TNS1: variants seen among roughly 807,000 people sequenced by gnomAD.
The protein encoded by TNS1 is tensin-1.
Under a neutral mutation model 168.6 loss-of-function variants are expected in TNS1, and 62 were observed. The observed-to-expected ratio is 0.37, with a 90% CI of 0.30 to 0.45. TNS1 has a LOEUF of 0.45. TNS1 is among the 20% of genes least tolerant of loss of function. The pLI is 1.00. For missense variants in TNS1, 2,240 were observed against 2,339.4 expected (o/e 0.96, Z 0.88); for synonymous variants, 934 against 933.2 (o/e 1.00, Z -0.02).
chr2:217,913,960 G>C (rs1224978516), intron 4 of TNS1, among the ~76,000 whole-genome samples: 1 of 152,134 alleles, frequency 6.6e-6, no homozygotes, highest in Non-Finnish European at 1.5e-5. Context: ...CAGCAAGAGA[G>C]ACTTGCCCAA....
At chr2:217,859,773 C>T (rs1948611521) in intron 18 of TNS1, 1 of 1,228,572 alleles carries the variant, frequency 8.1e-7, no homozygotes. Flanking sequence ...CCCAACCACC[C>T]AGATCCGAGA....
chr2:217,818,494 C>G lies in TNS1; in HGVS notation c.3838G>C (p.Gly1280Arg). 6.2e-7 allele frequency: 1 copy of G among 1,614,238 alleles called. No homozygotes were observed. Among genetic ancestry groups the G allele is most frequent in the South Asian group, 1.1e-5 (1 of 91,086 alleles). Residue 1280 changes from glycine (G) to arginine (R), a missense_variant, in exon 24 of 33, where the codon GGG becomes CGG. This residue lies in a region of TNS1 where 2,131 missense variants were observed against 2,171.2 expected (regional missense o/e 0.98). Transcript: ENST00000682258. Reference sequence around the variant, plus strand: ...GTTCTGTGGCGCGCCTGAGGGCTCCCAGGCACCGTGTGGACGCCAGCCACA... The same window carrying G: ...GTTCTGTGGCGCGCCTGAGGGCTCCGAGGCACCGTGTGGACGCCAGCCACA... ...FSVAGVHTVP[G>R]SPQARHRTVG...
chr2:218,007,938 A>G (rs1275353799), upstream of TNS1, among the ~76,000 whole-genome samples: 1 of 152,122 alleles, frequency 6.6e-6, no homozygotes, highest in African/African-American at 2.4e-5. Flanking sequence ...AAGGCACGAC[A>G]TGGTCTGGGG....
chr2:217,824,426 T>G (rs1161875055), intron 22 of TNS1, among the ~76,000 whole-genome samples: 1 of 152,002 alleles, frequency 6.6e-6, no homozygotes, highest in Non-Finnish European at 1.5e-5. Flanking sequence ...AAAAGCCAAC[T>G]CCATAGGGCT....
At chr2:217,983,319 G>A (rs1281388954) in intron 2 of TNS1, among the ~76,000 whole-genome samples, 4 of 152,098 alleles carry the variant, frequency 2.6e-5, no homozygotes, top group Non-Finnish European at 5.9e-5. Flanking sequence ...AGAAGGCCCC[G>A]AAATTACAAA....
intron 18 of TNS1, chr2:217,858,671 TACACACAC>T (rs60953913): frequency 1.5e-4 from 23 of 149,220 alleles, no homozygotes; most frequent in Non-Finnish European, 2.3e-4. Context: ...CCTGCCCATG[TACACACAC>T]ACACACACAC....
intron 1 of TNS1, among the ~76,000 whole-genome samples, chr2:218,008,176 C>A (rs1330219098): frequency 6.6e-6 from 1 of 152,172 alleles, no homozygotes; most frequent in Non-Finnish European, 1.5e-5. Flanking sequence ...TGGGCCCAAT[C>A]CCAACAATGC....
upstream of TNS1, among the ~76,000 whole-genome samples, chr2:218,015,091 C>A (rs1958746177): frequency 6.6e-6 from 1 of 152,150 alleles, no homozygotes; most frequent in African/African-American, 2.4e-5. Context: ...CTCCACACAC[C>A]CCCTGGTGAG....
At chr2:217,925,164 C>T (rs779452909) in intron 3 of TNS1, among the ~76,000 whole-genome samples, 2 of 152,124 alleles carry the variant, frequency 1.3e-5, no homozygotes, top group East Asian at 3.8e-4. Context: ...AATGTTCTGT[C>T]GTGTTTTTAC....
chr2:217,921,139 G>A (rs1955667001), intron 3 of TNS1, among the ~76,000 whole-genome samples: 1 of 152,148 alleles, frequency 6.6e-6, no homozygotes, highest in Non-Finnish European at 1.5e-5. Flanking sequence ...CAATTAGCAG[G>A]GGCATTTATC....
At chr2:217,938,424 T>C (rs1415033414) in intron 3 of TNS1, among the ~76,000 whole-genome samples, 1 of 152,134 alleles carries the variant, frequency 6.6e-6, no homozygotes, top group Non-Finnish European at 1.5e-5. Flanking sequence ...GGTTCAAAGC[T>C]CTCAGCTTAT....
intron 1 of TNS1, among the ~76,000 whole-genome samples, chr2:218,018,788 G>A (rs999348092): frequency 6.6e-6 from 1 of 152,180 alleles, no homozygotes; most frequent in African/African-American, 2.4e-5. Flanking sequence ...CCTGGAAATC[G>A]ATGAATTAGG....
At chr2:217,978,839 C>G (rs1445128289) in intron 2 of TNS1, 37 bp from the exon 3 acceptor site, 1 of 702,176 alleles carries the variant, frequency 1.4e-6, no homozygotes, top group East Asian at 2.7e-5. Flanking sequence ...AAGTTTTAGC[C>G]GCGAGGTATG....
intron 18 of TNS1, among the ~76,000 whole-genome samples, chr2:217,873,346 G>C (rs1018563373): frequency 6.6e-6 from 1 of 152,200 alleles, no homozygotes; most frequent in African/African-American, 2.4e-5. Flanking sequence ...TGGAGAGCAC[G>C]GTGTTTGGTG....
chr2:217,990,570 T>C (rs114728572), intron 2 of TNS1, among the ~76,000 whole-genome samples: 2,513 of 151,216 alleles, frequency 0.017, 57 homozygotes, highest in African/African-American at 0.057. Flanking sequence ...ACCAGCCACA[T>C]GCCATCCACA....
chr2:218,027,463 C>T (rs1428764998), intron 1 of TNS1, among the ~76,000 whole-genome samples: 1 of 152,046 alleles, frequency 6.6e-6, no homozygotes, highest in Non-Finnish European at 1.5e-5. Flanking sequence ...ATGGCCTTGC[C>T]CCTCCCTCTG....
intron 3 of TNS1, among the ~76,000 whole-genome samples, chr2:217,947,682 C>T (rs1957144449): frequency 6.6e-6 from 1 of 152,104 alleles, no homozygotes; most frequent in Non-Finnish European, 1.5e-5. Flanking sequence ...CACAGAGAAG[C>T]AGAGAAGAAA....
chr2:217,969,425 T>C (rs1164302151), intron 3 of TNS1, among the ~76,000 whole-genome samples: 1 of 151,884 alleles, frequency 6.6e-6, no homozygotes, highest in Non-Finnish European at 1.5e-5. Flanking sequence ...TTCTTAGATA[T>C]GAAAGCAAAA....
Position 217,848,442 on chromosome 2 carries a change from G to T in TNS1, c.2075C>A (p.Ala692Glu). The change falls in exon 19 of 33, where the codon GCG becomes GAG. Residue 692 changes from alanine (A) to glutamate (E), a missense_variant. Coordinates refer to ENST00000682258, the MANE Select transcript of TNS1 (RefSeq NM_001387777.1). ...CGTGTGGCCAGCATGGGCAGGCCCC[G>T]CCCGGCTGGCAGACTCGTAGGGGTA... is the stretch of plus-strand genomic sequence containing the variant. Reference protein sequence around the residue: ...GGYPYESASRAGPAHAGHTAP... With the variant: ...GGYPYESASREGPAHAGHTAP... 1 of 1,611,464 alleles carries T rather than the reference G, an allele frequency of 6.2e-7. No individual in the cohort carries two copies.
Sources: gnomAD v4.1 joint callset for allele counts (sites outside exome capture counted in the v4.1 genomes callset) on GRCh38, gnomAD v4.1.1 for gene constraint, gnomAD v4.1.1 regional missense constraint, MANE v1.5 for transcripts, NCBI Gene and HGNC (gene_info 2026-07-23, HGNC 2026-07-21) for gene names.